Variants in RUSC2 observed in about 807,000 individuals in gnomAD.
RUSC2 encodes the protein RUN and SH3 domain containing 2.
Under a neutral mutation model 122.2 loss-of-function variants are expected in RUSC2, and 34 were observed. The observed-to-expected ratio is 0.28, with a 90% confidence interval of 0.21 to 0.37. The LOEUF is 0.37. Ranked by LOEUF, RUSC2 falls within the 10% of genes least tolerant of loss-of-function variation. The pLI is 1.00. For missense variants in RUSC2, 1,747 were observed against 1,952.4 expected (o/e 0.89, Z 1.98); for synonymous variants, 784 against 790.0 (o/e 0.99, Z 0.13).
At chr9:35,509,861 T>G (rs1191806322) in intron 1 of RUSC2, among the ~76,000 whole-genome samples, 2 of 152,186 alleles carry the variant, frequency 1.3e-5, no homozygotes, top group Non-Finnish European at 2.9e-5. Context: ...TAGGAAGGTA[T>G]TATCCCCATT....
At chr9:35,561,118 G>C (rs1421120096) in intron 11 of RUSC2, 21 bp downstream of exon 11, 1 of 1,613,464 alleles carries the variant, frequency 6.2e-7, no homozygotes, top group Non-Finnish European at 8.5e-7. Context: ...GGAAACGGAA[G>C]GGCTGAGGGG....
chr9:35,490,670 C>T (rs1275645725), intron 1 of RUSC2, among the ~76,000 whole-genome samples: 2 of 152,176 alleles, frequency 1.3e-5, no homozygotes, highest in Non-Finnish European at 2.9e-5. Context: ...CCTTTTAGCC[C>T]CTGCCTCCCT....
chr9:35,514,453 G>A (rs1376469647), intron 1 of RUSC2, among the ~76,000 whole-genome samples: 2 of 152,160 alleles, frequency 1.3e-5, no homozygotes, highest in African/African-American at 2.4e-5. Context: ...GAAAGCCTTC[G>A]AAGGGTTTTT....
intron 9 of RUSC2, among the ~76,000 whole-genome samples, 172 bp from the exon 10 acceptor site, chr9:35,559,855 GTT>G (rs895229733): frequency 6.6e-6 from 1 of 152,238 alleles, no homozygotes; most frequent in African/African-American, 2.4e-5. Flanking sequence ...GGGTTGGAGA[GTT>G]TAGGCACTGC....
chr9:35,543,229 C>T (rs574480166), intron 1 of RUSC2, among the ~76,000 whole-genome samples: 3 of 152,206 alleles, frequency 2.0e-5, no homozygotes, highest in Non-Finnish European at 4.4e-5. Flanking sequence ...AGTTCAAGAC[C>T]AGCCTTGGCA....
Position 35,558,228 on chromosome 9 carries a change from A to G in RUSC2, c.3092A>G (p.Asn1031Ser), listed in dbSNP as rs779727845. Reference sequence around the variant, plus strand: ...CTGGGAAACAGTTCTGTGAGCCCCAATGTGGGCCACCTGGTTCTGAAGTAC... The same window carrying G: ...CTGGGAAACAGTTCTGTGAGCCCCAGTGTGGGCCACCTGGTTCTGAAGTAC... ...AKLGNSSVSP[N>S]VGHLVLKYLC... Residue 1031 changes from asparagine to serine, a missense_variant, in exon 7 of 12, where the codon AAT becomes AGT. Transcript: ENST00000361226. The surrounding 1 kb of genome is among the most constrained non-coding windows in gnomAD (Gnocchi z 4.3). 14 of 1,613,878 alleles carry G rather than the reference A, an allele frequency of 8.7e-6. No individual in the cohort carries two copies. The highest frequency in any genetic ancestry group is 1.7e-5 in the Admixed American group (1 of 60,024).
chr9:35,512,735 C>T (rs930534647), intron 1 of RUSC2, among the ~76,000 whole-genome samples: 14 of 152,098 alleles, frequency 9.2e-5, no homozygotes, highest in African/African-American at 1.4e-4. Context: ...TTTCCTTCCT[C>T]CTCCCGTCCC....
chr9:35,559,156 C>A, intron 8 of RUSC2, 70 bp from the exon 9 acceptor site: 2 of 1,245,370 alleles, frequency 1.6e-6, no homozygotes, highest in Non-Finnish European at 2.4e-6. Flanking sequence ...TGTGCCTGAC[C>A]CCCTGGATCT....
At chr9:35,496,705 T>G (rs1820721286) in intron 1 of RUSC2, among the ~76,000 whole-genome samples, 1 of 152,160 alleles carries the variant, frequency 6.6e-6, no homozygotes, top group South Asian at 2.1e-4. Flanking sequence ...ATCCTAGAGA[T>G]CTACATATCT....
chr9:35,553,675 C>T (rs1644100560), intron 2 of RUSC2, among the ~76,000 whole-genome samples: 1 of 152,196 alleles, frequency 6.6e-6, no homozygotes, highest in African/African-American at 2.4e-5. Flanking sequence ...GATGTTCATG[C>T]ATCTGGTGTG....
rs1269946250 is a variant in RUSC2 at position 35,526,692 on chromosome 9, T to C, written c.-92-19738T>C. ...GCTTTAGGAAGCTAAGGCAGGAAGA[T>C]CACTTGAGCCCAGGAGTTCAAGGTT... is the stretch of plus-strand genomic sequence containing the variant. On this transcript the variant is annotated intron_variant, in intron 1 of 11. Coordinates refer to ENST00000361226, the MANE Select transcript of RUSC2 (RefSeq NM_014806.5). Among the ~76,000 whole-genome samples, 4 of 152,200 alleles carry C rather than the reference T, an allele frequency of 2.6e-5. 1 individual carries two copies. The highest frequency in any genetic ancestry group is 2.0e-4 in the Admixed American group (3 of 15,280).
intron 1 of RUSC2, among the ~76,000 whole-genome samples, chr9:35,494,216 A>G (rs1189796224): frequency 6.6e-6 from 1 of 151,638 alleles, no homozygotes; most frequent in Non-Finnish European, 1.5e-5. Flanking sequence ...CTGTAATCCC[A>G]GCACTTTGGG....
rs1417966110 is a variant in RUSC2, at chr9:35,547,986, C to T, written c.1465C>T (p.Leu489Phe). Residue 489 changes from leucine to phenylalanine, a missense_variant, in exon 2 of 12, where the codon CTC becomes TTC. Coordinates refer to ENST00000361226, the MANE Select transcript of RUSC2 (RefSeq NM_014806.5). The surrounding 1 kb of genome is among the most constrained non-coding windows in gnomAD (Gnocchi z 4.6). ...ATACACGAATACTTCACCCCCCAAC[C>T]TCAGCACTGGACGTCAGCGCTCCCG... ...QVYTNTSPPN[L>F]STGRQRSRSY... 10 of 1,614,054 alleles carry T rather than the reference C, an allele frequency of 6.2e-6. No individual in the cohort carries two copies. Among genetic ancestry groups the T allele is most frequent in the Non-Finnish European group, 8.5e-6 (10 of 1,180,050 alleles).
intron 1 of RUSC2, among the ~76,000 whole-genome samples, chr9:35,528,921 TA>T (rs111700169): frequency 9.2e-5 from 14 of 151,956 alleles, no homozygotes; most frequent in African/African-American, 3.4e-4. Context: ...CCCCCATCTT[TA>T]AAAAAATTTT....
chr9:35,561,582 C>T lies in RUSC2; in HGVS notation c.*200C>T, dbSNP rs954799576. On this transcript the variant is annotated 3_prime_UTR_variant, in exon 12 of 12. Coordinates refer to ENST00000361226, the MANE Select transcript of RUSC2 (RefSeq NM_014806.5). ...CAGTGACCTTGTCCAGACCTCCACC[C>T]AGGAGAGGGATGGGACACAGCACTG... The T allele has an allele frequency of 1.5e-5, 9 of 598,774 alleles. No individual in the cohort carries two copies. The highest frequency in any genetic ancestry group is 1.2e-4 in the Admixed American group (4 of 32,666). 37.1% of individuals were successfully genotyped at this position (598,774 alleles called of 1,614,324 possible).
chr9:35,523,007 A>T (rs1384607637), intron 1 of RUSC2, among the ~76,000 whole-genome samples: 2 of 152,242 alleles, frequency 1.3e-5, no homozygotes, highest in Non-Finnish European at 2.9e-5. Context: ...TACTAAAATC[A>T]TATAGTCCTG....
At chr9:35,491,097 TAAAAA>T (rs11308191) in intron 1 of RUSC2, among the ~76,000 whole-genome samples, 4 of 142,524 alleles carry the variant, frequency 2.8e-5, no homozygotes, top group Non-Finnish European at 4.6e-5. Context: ...ACACAGGCCT[TAAAAA>T]AAAAAAAAAG....
At chr9:35,530,160 G>A (rs775828829) in intron 1 of RUSC2, among the ~76,000 whole-genome samples, 1 of 152,000 alleles carries the variant, frequency 6.6e-6, no homozygotes, top group South Asian at 2.1e-4. Context: ...CCATGTTGCC[G>A]AGGCTGGTAT....
In RUSC2 at chr9:35,560,380, C is replaced by T. The variant is rs1021819739; in HGVS notation, c.3740C>T (p.Thr1247Ile). The T allele has an allele frequency of 1.9e-6, 3 of 1,613,684 alleles. No individual in the cohort carries two copies. The highest frequency in any genetic ancestry group is 2.5e-6 in the Non-Finnish European group (3 of 1,179,878). The change falls in exon 10 of 12, where the codon ACA becomes ATA. Residue 1247 changes from threonine to isoleucine, a missense_variant. Thr to Ile is a moderately conservative substitution (Grantham distance 89, BLOSUM62 -1). Coordinates refer to ENST00000361226, the MANE Select transcript of RUSC2 (RefSeq NM_014806.5). ...GAAGAGGAAGAGGAAGAAGAGGAGACAGAAGAGGTGGCAGAGGCAGCCGGG... is the reference window on the plus strand; with the variant it reads ...GAAGAGGAAGAGGAAGAAGAGGAGATAGAAGAGGTGGCAGAGGCAGCCGGG... The part of the protein sequence containing the change: ...GGEEEEEEEE[T>I]EEVAEAAGGS...
Sources: allele counts gnomAD v4.1 joint callset (sites outside exome capture counted in the v4.1 genomes callset), GRCh38; gene constraint gnomAD v4.1.1; non-coding constraint Gnocchi (gnomAD v3.1); transcripts MANE v1.5; gene names NCBI Gene and HGNC (gene_info 2026-07-23, HGNC 2026-07-21).